Variants in SYCE2 observed in about 807,000 individuals in gnomAD.
SYCE2 encodes synaptonemal complex central element protein 2, also known as central element synaptonemal complex 1.
A neutral mutation model predicts 27.9 loss-of-function variants in SYCE2; 3 were observed. The ratio of observed to expected loss-of-function variants is 0.11; its 90% CI spans 0.05 to 0.28. The LOEUF is 0.28. SYCE2 is among the 10% of genes least tolerant of loss of function. The pLI is 1.00. For synonymous variants in SYCE2, 85 were observed against 100.7 expected, an observed-to-expected ratio of 0.84 and a Z score of 0.93; for missense variants, 207 against 263.5, an observed-to-expected ratio of 0.79 and a Z score of 1.48.
At chr19:12,899,613 T>C in intron 5 of SYCE2, 4 of 1,613,564 alleles carry the variant, frequency 2.5e-6, no homozygotes, top group Non-Finnish European at 2.5e-6. Flanking sequence ...GTAGGAGCGC[T>C]GTGCTCTGAG....
intron 5 of SYCE2, chr19:12,899,803 A>G (rs1440928490): frequency 1.8e-5 from 29 of 1,585,552 alleles, no homozygotes; most frequent in African/African-American, 2.7e-5. Context: ...CTGAAATAGC[A>G]GCTTCTCTTG....
chr19:12,908,699 A>C (rs1190090602), intron 2 of SYCE2, among the ~76,000 whole-genome samples: 1 of 152,166 alleles, frequency 6.6e-6, no homozygotes, highest in African/African-American at 2.4e-5. Flanking sequence ...TTCTCAAATG[A>C]AACAGCTCCT....
At chr19:12,900,298 T>C (rs866882259) in intron 4 of SYCE2, 162 bp downstream of exon 4, 14 of 1,055,148 alleles carry the variant, frequency 1.3e-5, no homozygotes, top group African/African-American at 4.8e-5. Flanking sequence ...CACCATGTTA[T>C]AGGGGATCAC....
At chr19:12,918,937 T>A (rs1456335484) in intron 1 of SYCE2, among the ~76,000 whole-genome samples, 1 of 138,984 alleles carries the variant, frequency 7.2e-6, no homozygotes, top group Non-Finnish European at 1.5e-5. Flanking sequence ...GGCGACAGAG[T>A]GATACTTCGT....
At chr19:12,912,504 A>T (rs1034954114) in intron 2 of SYCE2, among the ~76,000 whole-genome samples, 1 of 152,088 alleles carries the variant, frequency 6.6e-6, no homozygotes, top group East Asian at 1.9e-4. Flanking sequence ...CAGCACCCCA[A>T]AGGTTTCATC....
chr19:12,903,504 A>G (rs758944283), intron 3 of SYCE2, among the ~76,000 whole-genome samples: 7 of 150,590 alleles, frequency 4.6e-5, no homozygotes, highest in Non-Finnish European at 8.8e-5. Context: ...ATTCTGTCTC[A>G]TCCTCCCGAG....
chr19:12,911,615 C>CTTTTTTT (rs71168633), intron 2 of SYCE2, among the ~76,000 whole-genome samples: 2 of 103,750 alleles, frequency 1.9e-5, no homozygotes, highest in East Asian at 3.1e-4. Context: ...TAATTTTTGC[C>CTTTTTTT]TTTTTTTTTT....
At chr19:12,904,454 A>T (rs373948502) in intron 3 of SYCE2, 38 bp downstream of exon 3, 73 of 1,612,418 alleles carry the variant, frequency 4.5e-5, no homozygotes, top group Non-Finnish European at 6.2e-5. Flanking sequence ...CCCCTTTTGC[A>T]TAAGGAATCC....
intron 2 of SYCE2, among the ~76,000 whole-genome samples, chr19:12,915,748 T>C (rs1020033918): frequency 6.6e-5 from 10 of 152,030 alleles, no homozygotes; most frequent in Admixed American, 2.0e-4. Flanking sequence ...CACTCACCCC[T>C]GTACCCCACT....
At chr19:12,904,326 C>T (rs1475643133) in intron 3 of SYCE2, among the ~76,000 whole-genome samples, 166 bp downstream of exon 3, 1 of 152,184 alleles carries the variant, frequency 6.6e-6, no homozygotes, top group Non-Finnish European at 1.5e-5. Flanking sequence ...GCATTTTCAA[C>T]TCACAATGGG....
intron 2 of SYCE2, among the ~76,000 whole-genome samples, chr19:12,905,621 G>A (rs1037754895): frequency 1.3e-5 from 2 of 151,682 alleles, no homozygotes; most frequent in Non-Finnish European, 1.5e-5. Context: ...GTGAGCCACC[G>A]CGCCCAGCCC....
chr19:12,903,050 A>G (rs988900798), intron 3 of SYCE2, among the ~76,000 whole-genome samples: 1 of 151,186 alleles, frequency 6.6e-6, no homozygotes, highest in Non-Finnish European at 1.5e-5. Flanking sequence ...AAAAAAAAAA[A>G]AAAGAAAAAG....
At chr19:12,907,340 G>T (rs1279770739) in intron 2 of SYCE2, among the ~76,000 whole-genome samples, 2 of 152,158 alleles carry the variant, frequency 1.3e-5, no homozygotes, top group African/African-American at 4.8e-5. Flanking sequence ...TCCTACTAAG[G>T]CACTCAGGCG....
chr19:12,918,812 G>A (rs144685807), intron 1 of SYCE2, among the ~76,000 whole-genome samples: 3 of 151,872 alleles, frequency 2.0e-5, no homozygotes, highest in African/African-American at 7.3e-5. Flanking sequence ...ATTAGCTGAC[G>A]TGGTGGTGCG....
Position 12,898,999 on chromosome 19 carries a change from C to G in SYCE2, c.*342G>C, listed in dbSNP as rs1444399038. Reference sequence around the variant, plus strand: ...CGATGTGCTGTCCCTCCTATCCCTCCCGAGGGTAAGAAAGGGCTTGCTGTG... The same window carrying G: ...CGATGTGCTGTCCCTCCTATCCCTCGCGAGGGTAAGAAAGGGCTTGCTGTG... On this transcript the variant is annotated 3_prime_UTR_variant, in exon 6 of 6. Transcript: ENST00000293695. 1 of 360,774 alleles carries G rather than the reference C, an allele frequency of 2.8e-6. No individual in the cohort carries two copies. Among genetic ancestry groups the G allele is most frequent in the African/African-American group, 2.1e-5 (1 of 47,686 alleles). 22.3% of individuals were successfully genotyped at this position (360,774 alleles called of 1,614,324 possible). A position where few individuals can be genotyped will look rare whatever the true frequency, so the allele number is the denominator to read the frequency against.
chr19:12,907,266 G>A (rs1970951340), intron 2 of SYCE2, among the ~76,000 whole-genome samples: 1 of 152,206 alleles, frequency 6.6e-6, no homozygotes, highest in Non-Finnish European at 1.5e-5. Flanking sequence ...CAAGGTGGAG[G>A]ACAGTCTGTG....
At position 12,904,533 on chromosome 19, in the gene SYCE2, G is replaced by A. The variant is rs189296436; in HGVS notation, c.265C>T (p.His89Tyr). 6,689 of 1,614,118 alleles carry A rather than the reference G, an allele frequency of 4.1e-3. 20 individuals are homozygous for A. Among genetic ancestry groups the A allele is most frequent in the Non-Finnish European group, 5.2e-3 (6,158 of 1,180,032 alleles). The change falls in exon 3 of 6, where the codon CAT becomes TAT. Residue 89 changes from histidine to tyrosine, a missense_variant. Coordinates refer to ENST00000293695, the MANE Select transcript of SYCE2 (RefSeq NM_001105578.2). ...TTCCTGAAGTTGGTCATGAGTGCAT[G>A]GTCCTTTTGCCGGCTCTTGTTGATG... ...ENINKSRQKD[H>Y]ALMTNFRNSL...
Position 12,899,119 on chromosome 19 carries a change from G to C in SYCE2, c.*222C>G. ...TTTAATAAACTGTGGGGCTGGGGGT[G>C]GGGAGAACTTGCCAAGGGTGGGGAG... On this transcript the variant is annotated 3_prime_UTR_variant, in exon 6 of 6. Transcript: ENST00000293695. 1 of 586,122 alleles carries C rather than the reference G, an allele frequency of 1.7e-6. No individual in the cohort carries two copies. The highest frequency in any genetic ancestry group is 2.0e-5 in the South Asian group (1 of 48,806). 36.3% of individuals were successfully genotyped at this position (586,122 alleles called of 1,614,324 possible).
Position 12,903,282 on chromosome 19 carries a change from A to G in SYCE2, c.306+1210T>C, listed in dbSNP as rs550116809. 4.5e-3 allele frequency among the ~76,000 whole-genome samples: 678 copies of G among 150,526 alleles called. 7 individuals are homozygous for G. The highest frequency in any genetic ancestry group is 5.3e-3 in the Non-Finnish European group (361 of 67,688). On this transcript the variant is annotated intron_variant, in intron 3 of 5. Coordinates refer to ENST00000293695, the MANE Select transcript of SYCE2 (RefSeq NM_001105578.2). ...AATTTTTTGTATTTTTAGTAGAGAC[A>G]GGGTTTCATCATGTTAACCAGGATG...
Sources: gnomAD v4.1 joint callset for allele counts (sites outside exome capture counted in the v4.1 genomes callset) on GRCh38, gnomAD v4.1.1 for gene constraint, MANE v1.5 for transcripts, NCBI Gene and HGNC (gene_info 2026-07-23, HGNC 2026-07-21) for gene names.